Variants in DNM3 observed in about 807,000 individuals in gnomAD.
DNM3 encodes dynamin 3, also known as dynamin-3.
A neutral mutation model predicts 101.6 loss-of-function variants in DNM3; 47 were observed. That is an observed-to-expected ratio of 0.46 (90% CI 0.37 to 0.59). The LOEUF is 0.59. Ranked by LOEUF, DNM3 falls within the 20% of genes least tolerant of loss-of-function variation. The pLI, the probability that DNM3 is intolerant of heterozygous loss-of-function variation, is 0.00. For missense variants in DNM3, 849 were observed against 1,085.7 expected, an observed-to-expected ratio of 0.78 and a Z score of 3.06; for synonymous variants, 385 against 387.9, an observed-to-expected ratio of 0.99 and a Z score of 0.09.
chr1:172,101,481 T>A lies in DNM3; in HGVS notation c.1545+8606T>A, dbSNP rs941533720. On this transcript the variant is annotated intron_variant, in intron 13 of 20. Transcript: ENST00000627582. ...TGTACCTCAGTTTTCTAATCTGTAA[T>A]AAGCTGATAATAATAGTAACTGTTT... Among the ~76,000 whole-genome samples the A allele has an allele frequency of 5.1e-4, 77 of 152,220 alleles. 2 individuals carry two copies. The highest frequency in any genetic ancestry group is 2.9e-5 in the Non-Finnish European group (2 of 68,046).
At chr1:172,009,605 A>G (rs1012141867) in intron 4 of DNM3, among the ~76,000 whole-genome samples, 1 of 151,892 alleles carries the variant, frequency 6.6e-6, no homozygotes. Context: ...GGAAAAGTCA[A>G]TACAGTACAT....
chr1:172,095,701 G>A (rs1308773387), intron 13 of DNM3, among the ~76,000 whole-genome samples: 2 of 152,124 alleles, frequency 1.3e-5, no homozygotes, highest in Non-Finnish European at 2.9e-5. Context: ...TCCTCTTAGG[G>A]CTCCTGGTTG....
At chr1:172,246,859 A>T (rs1573118059) in intron 14 of DNM3, among the ~76,000 whole-genome samples, 1 of 152,172 alleles carries the variant, frequency 6.6e-6, no homozygotes, top group Non-Finnish European at 1.5e-5. Context: ...CTACCCATAA[A>T]CCCAGGATAA....
intron 14 of DNM3, among the ~76,000 whole-genome samples, chr1:172,189,971 C>T (rs2059649092): frequency 6.6e-6 from 1 of 151,738 alleles, no homozygotes; most frequent in African/African-American, 2.4e-5. Flanking sequence ...ATCAAATGAC[C>T]TCCCATTAGG....
chr1:172,308,700 G>C lies in DNM3; in HGVS notation c.1770-28G>C, dbSNP rs367801585. 8.4e-6 allele frequency: 11 copies of C among 1,304,886 alleles called. No individual in the cohort carries two copies. The African/African-American group carries it at 1.5e-4, about 18-fold the overall frequency. 80.8% of individuals were successfully genotyped at this position (1,304,886 alleles called of 1,614,324 possible). A position where few individuals can be genotyped will look rare whatever the true frequency, so the allele number is the denominator to read the frequency against. On this transcript the variant is annotated intron_variant, in intron 15 of 20. Coordinates refer to ENST00000627582, the MANE Select transcript of DNM3 (RefSeq NM_015569.5). ...ACTTTGAATTTGGTTCAAACTAAAA[G>C]CATGATTTTTTTTTTTTTTAACTCC...
At chr1:172,201,358 T>TG (rs1273634591) in intron 14 of DNM3, among the ~76,000 whole-genome samples, 1 of 152,158 alleles carries the variant, frequency 6.6e-6, no homozygotes, top group Non-Finnish European at 1.5e-5. Context: ...ACTGCAGCTC[T>TG]GGGGTGATCT....
intron 4 of DNM3, among the ~76,000 whole-genome samples, chr1:172,011,250 G>A (rs2047106690): frequency 6.6e-6 from 1 of 151,764 alleles, no homozygotes; most frequent in African/African-American, 2.4e-5. Flanking sequence ...GTGAGCTCTG[G>A]GAATTATTTG....
chr1:172,025,351 G>T (rs1279874189), intron 4 of DNM3, among the ~76,000 whole-genome samples: 1 of 152,218 alleles, frequency 6.6e-6, no homozygotes, highest in South Asian at 2.1e-4. Flanking sequence ...GACCACCTGG[G>T]GGAAGGGGCG....
At chr1:172,222,491 C>T (rs187421076) in intron 14 of DNM3, among the ~76,000 whole-genome samples, 1 of 152,206 alleles carries the variant, frequency 6.6e-6, no homozygotes, top group East Asian at 1.9e-4. Context: ...TTATAGAGAA[C>T]AAGAAACATC....
chr1:172,069,267 C>A (rs1458506150), intron 11 of DNM3, among the ~76,000 whole-genome samples: 1 of 152,096 alleles, frequency 6.6e-6, no homozygotes, highest in Admixed American at 6.5e-5. Flanking sequence ...AGGTTCTTAA[C>A]TTTTATTGGG....
Position 171,999,612 on chromosome 1 carries a change from T to G in DNM3, c.589+10464T>G, listed in dbSNP as rs142684287. ...TCCTCACCCCTCCAAGAAAGATATATGTAAAGCCCAACAGTCTACTCTCCC... is the reference window on the plus strand; with the variant it reads ...TCCTCACCCCTCCAAGAAAGATATAGGTAAAGCCCAACAGTCTACTCTCCC... On this transcript the variant is annotated intron_variant, in intron 4 of 20. Coordinates refer to ENST00000627582, the MANE Select transcript of DNM3 (RefSeq NM_015569.5). Among the ~76,000 whole-genome samples, 498 of 152,178 alleles carry G rather than the reference T, an allele frequency of 3.3e-3. 4 individuals are homozygous for G. Among genetic ancestry groups the G allele is most frequent in the African/African-American group, 0.011 (473 of 41,540 alleles).
At chr1:172,309,119 T>C in intron 16 of DNM3, 1 of 331,864 alleles carries the variant, frequency 3.0e-6, no homozygotes, top group African/African-American at 2.1e-5. Context: ...AAGTTTGTTT[T>C]ATTTCAAAAT....
intron 16 of DNM3, chr1:172,309,794 G>A (rs1272010479): frequency 6.6e-6 from 1 of 152,180 alleles, no homozygotes; most frequent in African/African-American, 2.4e-5. Flanking sequence ...TTCTAGGGGG[G>A]TTTCAGGGCT....
intron 15 of DNM3, among the ~76,000 whole-genome samples, chr1:172,263,132 A>G (rs186349050): frequency 6.6e-6 from 1 of 152,344 alleles, no homozygotes; most frequent in East Asian, 1.9e-4. Flanking sequence ...TTGTAGAAAC[A>G]AAAAACTATG....
chr1:172,355,915 A>G (rs530252354), intron 17 of DNM3, among the ~76,000 whole-genome samples: 1 of 152,286 alleles, frequency 6.6e-6, no homozygotes, highest in South Asian at 2.1e-4. Context: ...GACATACATT[A>G]TAATGAAATT....
At chr1:172,341,796 G>A (rs535471611) in intron 17 of DNM3, among the ~76,000 whole-genome samples, 2 of 152,126 alleles carry the variant, frequency 1.3e-5, no homozygotes, top group Admixed American at 6.5e-5. Context: ...TAACTTAGGC[G>A]ATACCATTCT....
At position 172,032,419 on chromosome 1, in the gene DNM3, G is replaced by A; in HGVS notation, c.607G>A (p.Val203Ile). The A allele has an allele frequency of 6.2e-7, 1 of 1,607,898 alleles. No homozygotes were observed. Among genetic ancestry groups the A allele is most frequent in the Non-Finnish European group, 8.5e-7 (1 of 1,175,984 alleles). Residue 203 changes from valine (V) to isoleucine (I), a missense_variant, in exon 5 of 21, where the codon GTT (valine) becomes ATT (isoleucine). Transcript: ENST00000627582. ...VDPQGLRTIG[V>I]ITKLDLMDEG... ...TGATGCAGGTCTGAGAACCATTGGA[G>A]TTATCACCAAACTGGACCTTATGGA...
At chr1:171,963,159 T>C (rs976910465) in intron 2 of DNM3, among the ~76,000 whole-genome samples, 10 of 152,160 alleles carry the variant, frequency 6.6e-5, no homozygotes, top group Non-Finnish European at 1.2e-4. Context: ...ATTTACTTTA[T>C]AGTAAATAAA....
intron 4 of DNM3, among the ~76,000 whole-genome samples, chr1:172,017,616 C>T (rs561123383): frequency 5.3e-5 from 8 of 152,220 alleles, no homozygotes; most frequent in Non-Finnish European, 1.0e-4. Context: ...TGTCTATCTT[C>T]GTGAGTGTCC....
Sources: gnomAD v4.1 joint callset for allele counts (sites outside exome capture counted in the v4.1 genomes callset) on GRCh38, gnomAD v4.1.1 for gene constraint, MANE v1.5 for transcripts, NCBI Gene and HGNC (gene_info 2026-07-23, HGNC 2026-07-21) for gene names.